Variants in TRHDE observed in about 807,000 individuals in gnomAD.
TRHDE encodes the protein thyrotropin releasing hormone degrading enzyme.
In TRHDE, 72 loss-of-function variants were observed where a neutral mutation model predicts 125.7. The ratio of observed to expected loss-of-function variants is 0.57; its 90% CI spans 0.47 to 0.70. The LOEUF is 0.70. Ranked by LOEUF, TRHDE falls within the 30% of genes least tolerant of loss-of-function variation. The pLI, the probability that TRHDE is intolerant of heterozygous loss-of-function variation, is 0.00. For missense variants in TRHDE, 1,110 were observed against 1,327.1 expected (o/e 0.84, Z 2.54); for synonymous variants, 509 against 509.1 (o/e 1.00, Z 0.00).
intron 2 of TRHDE, among the ~76,000 whole-genome samples, chr12:72,348,105 T>C (rs1195516124): frequency 1.3e-5 from 2 of 151,778 alleles, no homozygotes; most frequent in Admixed American, 6.6e-5. Flanking sequence ...TACAACATGA[T>C]GTATGTATAT....
chr12:72,199,077 CCCA>C (rs1040636541), intron 2 of TRHDE, among the ~76,000 whole-genome samples: 1 of 152,128 alleles, frequency 6.6e-6, no homozygotes, highest in African/African-American at 2.4e-5. Context: ...CTAATCATCT[CCCA>C]CCAGGTCCCT....
chr12:72,227,754 G>A (rs1430913166), intron 2 of TRHDE, among the ~76,000 whole-genome samples: 1 of 152,180 alleles, frequency 6.6e-6, no homozygotes, highest in African/African-American at 2.4e-5. Flanking sequence ...TAGATACAAT[G>A]GGGGTACAGG....
chr12:72,490,939 GTGTC>G (rs1039072033), intron 5 of TRHDE, among the ~76,000 whole-genome samples: 8 of 148,696 alleles, frequency 5.4e-5, no homozygotes, highest in African/African-American at 1.7e-4. Context: ...AAATTGTACT[GTGTC>G]TGTGATTCAT....
chr12:72,341,158 A>T (rs1048957641), intron 2 of TRHDE, among the ~76,000 whole-genome samples: 3 of 150,424 alleles, frequency 2.0e-5, no homozygotes, highest in Admixed American at 6.6e-5. Context: ...TTATACTCTA[A>T]GTTCTAGGGT....
At chr12:72,195,299 G>A (rs1877419574) in intron 2 of TRHDE, among the ~76,000 whole-genome samples, 1 of 152,108 alleles carries the variant, frequency 6.6e-6, no homozygotes, top group Admixed American at 6.5e-5. Context: ...GGGTAGTTCT[G>A]TTTTAAATTC....
intron 3 of TRHDE, among the ~76,000 whole-genome samples, chr12:72,392,496 G>A (rs758046542): frequency 3.3e-5 from 5 of 152,062 alleles, no homozygotes; most frequent in African/African-American, 9.7e-5. Context: ...ATGTAAAGAC[G>A]CCTCCATAAT....
intron 2 of TRHDE, among the ~76,000 whole-genome samples, chr12:72,352,273 G>C (rs1432229289): frequency 6.6e-6 from 1 of 151,298 alleles, no homozygotes; most frequent in Non-Finnish European, 1.5e-5. Flanking sequence ...TTTCTTAATT[G>C]TGTCTGTTTT....
intron 1 of TRHDE, among the ~76,000 whole-genome samples, chr12:72,278,966 T>C (rs1592515128): frequency 1.3e-5 from 2 of 152,346 alleles, no homozygotes; most frequent in African/African-American, 4.8e-5. Flanking sequence ...CGTTTGTCTA[T>C]TTTTTGCTTT....
chr12:72,345,664 A>G (rs1345974734), intron 2 of TRHDE, among the ~76,000 whole-genome samples: 1 of 152,052 alleles, frequency 6.6e-6, no homozygotes, highest in East Asian at 1.9e-4. Flanking sequence ...CTGTTTGGTC[A>G]TGGGATTTGT....
chr12:72,271,149 A>T (rs1879192635), upstream of TRHDE, among the ~76,000 whole-genome samples: 1 of 152,216 alleles, frequency 6.6e-6, no homozygotes, highest in Non-Finnish European at 1.5e-5. Flanking sequence ...GAATTATCCT[A>T]TGGGGAAAAC....
At chr12:72,294,639 G>A (rs900249554) in intron 2 of TRHDE, among the ~76,000 whole-genome samples, 2 of 152,098 alleles carry the variant, frequency 1.3e-5, no homozygotes, top group African/African-American at 4.8e-5. Context: ...GCCGGGAAAA[G>A]GCACCACAAG....
At chr12:72,385,942 C>T (rs17111115) in intron 3 of TRHDE, among the ~76,000 whole-genome samples, 7,655 of 152,166 alleles carry the variant, frequency 0.05, 378 homozygotes, top group African/African-American at 0.11. Flanking sequence ...GCAATACAAA[C>T]CAACATACAA....
chr12:72,343,398 G>A (rs1472520003), intron 2 of TRHDE, among the ~76,000 whole-genome samples: 1 of 151,916 alleles, frequency 6.6e-6, no homozygotes, highest in African/African-American at 2.4e-5. Context: ...ATTCACATTT[G>A]ATTGAAAAAA....
chr12:72,372,339 T>G (rs1871641111), intron 2 of TRHDE, among the ~76,000 whole-genome samples: 1 of 152,144 alleles, frequency 6.6e-6, no homozygotes, highest in African/African-American at 2.4e-5. Context: ...ATTTTGTAGG[T>G]TGCCTGTTCA....
chr12:72,115,527 T>C (rs779302622), intron 2 of TRHDE, among the ~76,000 whole-genome samples: 1 of 152,142 alleles, frequency 6.6e-6, no homozygotes, highest in Non-Finnish European at 1.5e-5. Flanking sequence ...CAGATATCTC[T>C]TTGATATACT....
At chr12:72,549,906 G>T (rs1341234691) in intron 7 of TRHDE, among the ~76,000 whole-genome samples, 1 of 151,430 alleles carries the variant, frequency 6.6e-6, no homozygotes, top group African/African-American at 2.4e-5. Context: ...CTAATTTAAA[G>T]GTTGTTAACC....
intron 6 of TRHDE, among the ~76,000 whole-genome samples, chr12:72,510,094 C>G (rs1171579325): frequency 6.6e-6 from 1 of 152,152 alleles, no homozygotes; most frequent in Non-Finnish European, 1.5e-5. Flanking sequence ...GTGAGCTCAG[C>G]TACTCTCCTG....
intron 5 of TRHDE, among the ~76,000 whole-genome samples, chr12:72,494,393 C>A (rs1877813850): frequency 6.6e-6 from 1 of 152,006 alleles, no homozygotes; most frequent in South Asian, 2.1e-4. Flanking sequence ...TGAATTGGCT[C>A]AGTCTTGGCT....
chr12:72,093,862 T>C (rs1874848347), intron 1 of TRHDE, among the ~76,000 whole-genome samples: 1 of 152,240 alleles, frequency 6.6e-6, no homozygotes, highest in South Asian at 2.1e-4. Context: ...GCTTTATTAG[T>C]TTCCTTTTGT....
Sources: gnomAD v4.1 joint callset for allele counts (sites outside exome capture counted in the v4.1 genomes callset) on GRCh38, gnomAD v4.1.1 for gene constraint, MANE v1.5 for transcripts, NCBI Gene and HGNC (gene_info 2026-07-23, HGNC 2026-07-21) for gene names.